Variants in ARHGAP8 observed in about 807,000 individuals in gnomAD.
ARHGAP8 encodes the protein rho GTPase-activating protein 8.
Under a neutral mutation model 46.1 loss-of-function variants are expected in ARHGAP8, and 62 were observed. The ratio of observed to expected loss-of-function variants is 1.34; its 90% CI spans 1.10 to 1.66. The LOEUF (loss-of-function observed/expected upper bound fraction) is 1.66. ARHGAP8 is among the 40% of genes most tolerant of loss of function. ARHGAP8 has a pLI of 0.00. For missense variants in ARHGAP8, 923 were observed against 568.4 expected, an observed-to-expected ratio of 1.62 and a Z score of -6.34; for synonymous variants, 375 against 243.1, an observed-to-expected ratio of 1.54 and a Z score of -5.05.
chr22:44,843,046 T>G lies in ARHGAP8; in HGVS notation c.597-2223T>G, dbSNP rs115909683. Reference sequence around the variant, plus strand: ...ACTCTAAGGATCAGGGAGAGGACCCTGCATCCAGAGGTGGGCAGTTGGAAT... The same window carrying G: ...ACTCTAAGGATCAGGGAGAGGACCCGGCATCCAGAGGTGGGCAGTTGGAAT... On this transcript the variant is annotated intron_variant, in intron 7 of 11. Transcript: ENST00000356099. Among the ~76,000 whole-genome samples, 1,486 of 152,296 alleles carry G rather than the reference T, an allele frequency of 9.8e-3. 23 individuals are homozygous for G. The highest frequency in any genetic ancestry group is 0.033 in the African/African-American group (1,385 of 41,550).
rs899914872 is a variant in ARHGAP8, at chr22:44,835,938, CCTT to C, written c.597-9328_597-9326del. The stretch of plus-strand genomic sequence containing the variant: ...TGTGGCTGTCTGGAGACTATACAAT[CCTT>C]CTCTTTGCGATCGGCCTCCAGGGTG... On this transcript the variant is annotated intron_variant, in intron 7 of 11. Coordinates refer to ENST00000356099, the MANE Select transcript of ARHGAP8 (RefSeq NM_181335.3). Among the ~76,000 whole-genome samples, 7 of 152,306 alleles carry C rather than the reference CCTT, an allele frequency of 4.6e-5. No homozygotes were observed. In the South Asian group the frequency reaches 1.4e-3, roughly 32 times the overall value.
At chr22:44,818,048 A>G (rs1208603545) in intron 5 of ARHGAP8, among the ~76,000 whole-genome samples, 1 of 152,180 alleles carries the variant, frequency 6.6e-6, no homozygotes, top group Non-Finnish European at 1.5e-5. Flanking sequence ...CGAGAGGCAG[A>G]GACTGAAGTG....
chr22:44,758,149 T>G (rs1242677105), intron 1 of ARHGAP8, among the ~76,000 whole-genome samples: 2 of 152,094 alleles, frequency 1.3e-5, no homozygotes, highest in Non-Finnish European at 2.9e-5. Context: ...AACCAGATCT[T>G]TCTGTGAAGA....
chr22:44,779,792 C>G (rs1220222605), intron 1 of ARHGAP8, among the ~76,000 whole-genome samples: 2 of 152,072 alleles, frequency 1.3e-5, no homozygotes, highest in South Asian at 4.1e-4. Flanking sequence ...TGGTCTCGAA[C>G]TCCTGACCCC....
rs779829700 is a variant in ARHGAP8, at chr22:44,802,097, C to T, written c.100C>T (p.Arg34Cys). 1.5e-5 allele frequency: 24 copies of T among 1,614,040 alleles called. No individual in the cohort carries two copies. Among genetic ancestry groups the T allele is most frequent in the Admixed American group, 3.3e-5 (2 of 60,004 alleles). The change falls in exon 3 of 12, where the codon CGT becomes TGT. Residue 34 changes from arginine to cysteine, a missense_variant. Arg to Cys is a radical substitution (Grantham distance 180). Transcript: ENST00000356099. ...QVAGDDRFGRRVVTFSCCRMP... is the reference protein window; with the variant it reads ...QVAGDDRFGRCVVTFSCCRMP... ...TCCAGGGGATGACCGCTTTGGAAGA[C>T]GTGTTGTCACGTTCAGCTGCTGCCG... is the stretch of plus-strand genomic sequence containing the variant.
chr22:44,761,475 G>A (rs1193506768), intron 1 of ARHGAP8, among the ~76,000 whole-genome samples: 1 of 152,212 alleles, frequency 6.6e-6, no homozygotes, highest in African/African-American at 2.4e-5. Context: ...AGGTAATCTA[G>A]AGATGATTTA....
intron 7 of ARHGAP8, among the ~76,000 whole-genome samples, chr22:44,827,731 C>G (rs1052630063): frequency 6.6e-6 from 1 of 151,986 alleles, no homozygotes; most frequent in Non-Finnish European, 1.5e-5. Context: ...TGGGTAGTTG[C>G]GAGTATAGGG....
chr22:44,763,358 G>T (rs1021271003), intron 1 of ARHGAP8, among the ~76,000 whole-genome samples: 1 of 151,698 alleles, frequency 6.6e-6, no homozygotes, highest in African/African-American at 2.4e-5. Context: ...TCAGCCAGGC[G>T]TAGTGGTGCG....
At chr22:44,808,648 T>G in intron 4 of ARHGAP8, 1 of 911,480 alleles carries the variant, frequency 1.1e-6, no homozygotes, top group Non-Finnish European at 1.7e-6. Flanking sequence ...TCATTTTTTT[T>G]TTTCTTTCTT....
At chr22:44,757,846 G>T (rs1041459694) in intron 1 of ARHGAP8, among the ~76,000 whole-genome samples, 1 of 147,368 alleles carries the variant, frequency 6.8e-6, no homozygotes, top group Non-Finnish European at 1.5e-5. Context: ...TAGAGATAGG[G>T]TTTCACCATG....
At chr22:44,776,936 A>G (rs1023722119) in intron 1 of ARHGAP8, among the ~76,000 whole-genome samples, 2 of 151,808 alleles carry the variant, frequency 1.3e-5, no homozygotes, top group Admixed American at 6.6e-5. Context: ...CTCGCTGTCT[A>G]TGCAGCTTGG....
chr22:44,790,366 TTA>T (rs971245577), intron 2 of ARHGAP8, among the ~76,000 whole-genome samples: 7 of 41,624 alleles, frequency 1.7e-4, no homozygotes, highest in Admixed American at 1.3e-3. Flanking sequence ...AAGGAAGAGT[TTA>T]AATTAAGAGA....
In ARHGAP8 at chr22:44,770,404, C is replaced by CT. The variant is rs59724840; in HGVS notation, c.-71-16040dup. On this transcript the variant is annotated intron_variant, in intron 1 of 11. Transcript: ENST00000356099. ...AGTCTGAAAAGGCCAACCTTAGATT[C>CT]TTTTTTTTTTTTTCTTTTTGAGACA... Among the ~76,000 whole-genome samples, 480 of 145,632 alleles carry CT rather than the reference C, an allele frequency of 3.3e-3. 4 individuals carry two copies. Among genetic ancestry groups the CT allele is most frequent in the African/African-American group, 8.8e-3 (352 of 39,946 alleles).
chr22:44,859,607 C>G, intron 10 of ARHGAP8, 124 bp from the exon 11 acceptor site: 1 of 1,054,488 alleles, frequency 9.5e-7, no homozygotes, highest in Non-Finnish European at 1.4e-6. Flanking sequence ...GGGTCCCAAG[C>G]CCAAATGTGG....
Position 44,856,775 on chromosome 22 carries a change from C to T in ARHGAP8, c.878-2956C>T, listed in dbSNP as rs1395843132. ...CTCTTCCTGGGAGGCTGAAGATCACCGAGGACTCCTCGAGATCAGATGCGC... is the reference window on the plus strand; with the variant it reads ...CTCTTCCTGGGAGGCTGAAGATCACTGAGGACTCCTCGAGATCAGATGCGC... On this transcript the variant is annotated intron_variant, in intron 10 of 11. Coordinates refer to ENST00000356099, the MANE Select transcript of ARHGAP8 (RefSeq NM_181335.3). 3.5e-5 allele frequency among the ~76,000 whole-genome samples: 5 copies of T among 143,276 alleles called. 1 individual carries two copies. The highest frequency in any genetic ancestry group is 5.7e-5 in the African/African-American group (2 of 35,368). 94.0% of individuals were successfully genotyped at this position (143,276 alleles called of 152,430 possible). A position where few individuals can be genotyped will look rare whatever the true frequency, so the allele number is the denominator to read the frequency against.
chr22:44,793,043 C>G (rs772236252), intron 2 of ARHGAP8, among the ~76,000 whole-genome samples: 6 of 152,076 alleles, frequency 3.9e-5, no homozygotes, highest in Non-Finnish European at 8.8e-5. Flanking sequence ...AGGTTAGTCT[C>G]GAAATCCTGA....
At chr22:44,781,937 C>T (rs901168332) in intron 1 of ARHGAP8, among the ~76,000 whole-genome samples, 8 of 152,300 alleles carry the variant, frequency 5.3e-5, no homozygotes, top group East Asian at 1.9e-4. Context: ...TGGGCTCAGT[C>T]GATCCTCCCA....
At chr22:44,786,312 G>T in intron 1 of ARHGAP8, 145 bp from the exon 2 acceptor site, 1 of 973,696 alleles carries the variant, frequency 1.0e-6, no homozygotes, top group Non-Finnish European at 1.4e-6. Flanking sequence ...GAGGCAGGGC[G>T]CGTAGTGGGT....
chr22:44,859,809 G>C lies in ARHGAP8; in HGVS notation c.956G>C (p.Arg319Pro), dbSNP rs149853709. The change falls in exon 11 of 12, where the codon CGC (arginine) becomes CCC (proline). Residue 319 changes from arginine (R) to proline (P), a missense_variant. Coordinates refer to ENST00000356099, the MANE Select transcript of ARHGAP8 (RefSeq NM_181335.3). Reference sequence around the variant, plus strand: ...CCAGAGCACAACTACGTCGTCCTCCGCTACCTCATGGGCTTCCTGCATGCG... The same window carrying C: ...CCAGAGCACAACTACGTCGTCCTCCCCTACCTCATGGGCTTCCTGCATGCG... ...SLPEHNYVVL[R>P]YLMGFLHAVS... The C allele has an allele frequency of 1.9e-5, 31 of 1,613,862 alleles. 1 individual carries two copies. The highest frequency in any genetic ancestry group is 5.0e-5 in the Admixed American group (3 of 60,004).
Sources: gnomAD v4.1 joint callset for allele counts (sites outside exome capture counted in the v4.1 genomes callset) on GRCh38, gnomAD v4.1.1 for gene constraint, MANE v1.5 for transcripts, NCBI Gene and HGNC (gene_info 2026-07-23, HGNC 2026-07-21) for gene names.